KRT78: variants seen among roughly 807,000 people sequenced by gnomAD.
KRT78 encodes keratin 78, also known as keratin, type II cytoskeletal 78.
A neutral mutation model predicts 51.4 loss-of-function variants in KRT78; 55 were observed. That is an observed-to-expected ratio of 1.07 (90% CI 0.86 to 1.34). The LOEUF (loss-of-function observed/expected upper bound fraction) is 1.34. Among genes scored for constraint, KRT78 ranks in the 40% most tolerant of loss-of-function variants. The probability of loss-of-function intolerance (pLI) is 0.00; values close to 1 mark genes in which losing one functional copy is unlikely to be tolerated. For missense variants in KRT78, 652 were observed against 649.4 expected (o/e 1.00, Z -0.04); for synonymous variants, 291 against 264.3 (o/e 1.10, Z -0.98).
rs1439479863 is a variant in KRT78 at position 52,846,794 on chromosome 12, T to G, written c.630A>C (p.Thr210=). 2 of 1,613,908 alleles carry G rather than the reference T, an allele frequency of 1.2e-6. No homozygotes were observed. The highest frequency in any genetic ancestry group is 1.6e-4 in the Middle Eastern group (1 of 6,062). ...KYEEEAHRRA[T]LENDFVVLKK... Reference sequence around the variant, plus strand: ...TGAGGACCACAAAGTCGTTCTCAAGTGTGGCACGCCTGTGGGCCTCCTCCT... The same window carrying G: ...TGAGGACCACAAAGTCGTTCTCAAGGGTGGCACGCCTGTGGGCCTCCTCCT... Residue 210 remains threonine (T), a synonymous_variant, in exon 3 of 9, where the codon ACA becomes ACC. Coordinates refer to ENST00000304620, the MANE Select transcript of KRT78 (RefSeq NM_173352.4).
rs765906041 is a variant in KRT78, at chr12:52,839,804, T to C, written c.1228A>G (p.Ile410Val). ...TSTKLSLDVE[I>V]ATYRRLLEGE... is the part of the protein sequence containing the mutation. ...TCCAGCAGCCTGCGGTAAGTGGCAATCTCCACATCCAGGGAAAGCTTCGTG... is the reference window on the plus strand; with the variant it reads ...TCCAGCAGCCTGCGGTAAGTGGCAACCTCCACATCCAGGGAAAGCTTCGTG... Residue 410 changes from isoleucine to valine, a missense_variant, in exon 7 of 9, where the codon ATT (isoleucine) becomes GTT (valine). Ile to Val is a conservative substitution (Grantham distance 29, BLOSUM62 3). Coordinates refer to ENST00000304620, the MANE Select transcript of KRT78 (RefSeq NM_173352.4). 5 of 1,613,984 alleles carry C rather than the reference T, an allele frequency of 3.1e-6. 1 individual carries two copies. In the South Asian group the frequency reaches 5.5e-5, roughly 18 times the overall value.
intron 2 of KRT78, among the ~76,000 whole-genome samples, chr12:52,847,623 C>T (rs548499831): frequency 6.6e-6 from 1 of 152,358 alleles, no homozygotes; most frequent in South Asian, 2.1e-4. Context: ...CCTTCCCAGC[C>T]TTGACCGGAA....
chr12:52,848,128 C>T lies in KRT78; in HGVS notation c.385-7G>A. 6.2e-7 allele frequency: 1 copy of T among 1,613,588 alleles called. No individual in the cohort carries two copies. The highest frequency in any genetic ancestry group is 8.5e-7 in the Non-Finnish European group (1 of 1,179,732). On this transcript the variant is annotated splice_region_variant and splice_polypyrimidine_tract_variant and intron_variant, in intron 1 of 8. Transcript: ENST00000304620. ...GCTGCTCCAGGAACCGCACCTGCAG[C>T]AAAAGCAGAGGATCCCTGAGGCTCC...
chr12:52,842,960 A>G (rs1940537409), intron 6 of KRT78, among the ~76,000 whole-genome samples: 1 of 21,934 alleles, frequency 4.6e-5, no homozygotes, highest in Non-Finnish European at 7.8e-5. Context: ...AGAGAGAGAG[A>G]GGAAGGAAGG....
In KRT78 at chr12:52,839,776, C is replaced by T; in HGVS notation, c.1256G>A (p.Gly419Asp). 1.2e-6 allele frequency: 2 copies of T among 1,614,030 alleles called. No individual in the cohort carries two copies. Among genetic ancestry groups the T allele is most frequent in the Non-Finnish European group, 1.7e-6 (2 of 1,180,028 alleles). Residue 419 changes from glycine to aspartate, a missense_variant, in exon 7 of 9, where the codon GGC (glycine) becomes GAC (aspartate). Physicochemically the swap from Gly to Asp is moderately conservative, Grantham distance 94 (BLOSUM62 -1). Transcript: ENST00000304620. ...EIATYRRLLE[G>D]EECRMSGECT... The stretch of plus-strand genomic sequence containing the variant: ...AAGCCTCCCTCACCTGCACTCCTCG[C>T]CCTCCAGCAGCCTGCGGTAAGTGGC...
chr12:52,841,432 A>G (rs1940496711), intron 6 of KRT78, among the ~76,000 whole-genome samples: 2 of 151,616 alleles, frequency 1.3e-5, no homozygotes, highest in Admixed American at 6.6e-5. Context: ...GGTTGCAGTG[A>G]GCCGAGATCG....
Position 52,838,502 on chromosome 12 carries a change from C to G in KRT78, c.*611G>C, listed in dbSNP as rs1016321157. 1 of 155,154 alleles carries G rather than the reference C, an allele frequency of 6.4e-6. No individual in the cohort carries two copies. Among genetic ancestry groups the G allele is most frequent in the Non-Finnish European group, 1.4e-5 (1 of 69,948 alleles). The allele number at this position is 155,154 out of a possible 1,614,324, so 9.6% of individuals were successfully genotyped here. A position where few individuals can be genotyped will look rare whatever the true frequency, so the allele number is the denominator to read the frequency against. On this transcript the variant is annotated 3_prime_UTR_variant, in exon 9 of 9. Transcript: ENST00000304620. Reference sequence around the variant, plus strand: ...CAGGAGTGCCAGGCTAATAGAGAAGCTGAGTCCCTTACCAGAGCCAGACAG... The same window carrying G: ...CAGGAGTGCCAGGCTAATAGAGAAGGTGAGTCCCTTACCAGAGCCAGACAG...
intron 6 of KRT78, among the ~76,000 whole-genome samples, chr12:52,841,805 G>C (rs1940507113): frequency 6.6e-6 from 1 of 152,214 alleles, no homozygotes; most frequent in Non-Finnish European, 1.5e-5. Flanking sequence ...ATATCTCCAG[G>C]AGGGATTCTC....
chr12:52,842,955 GAGAGAGGAAGGAAGGA>G (rs1940536341), intron 6 of KRT78, among the ~76,000 whole-genome samples: 2 of 94,100 alleles, frequency 2.1e-5, no homozygotes, highest in Non-Finnish European at 3.5e-5. Flanking sequence ...GAGAGAGAGA[GAGAGAGGAAGGAAGGA>G]AGGAAGGAAG....
At chr12:52,843,999 T>C in intron 6 of KRT78, 94 bp downstream of exon 6, 1 of 1,511,954 alleles carries the variant, frequency 6.6e-7, no homozygotes, top group Non-Finnish European at 9.0e-7. Context: ...ACAAAACCAC[T>C]GGCAACCCAA....
At chr12:52,844,003 A>G in intron 6 of KRT78, 90 bp downstream of exon 6, 1 of 1,525,456 alleles carries the variant, frequency 6.6e-7, no homozygotes, top group Non-Finnish European at 8.9e-7. Flanking sequence ...AACCACTGGC[A>G]ACCCAACTGG....
chr12:52,846,657 G>T, intron 3 of KRT78, 107 bp downstream of exon 3: 1 of 1,008,664 alleles, frequency 9.9e-7, no homozygotes, highest in Non-Finnish European at 1.5e-6. Flanking sequence ...TAGAGTGATA[G>T]CCTGTCCTAA....
intron 4 of KRT78, chr12:52,845,916 G>A: frequency 5.2e-6 from 2 of 381,568 alleles, no homozygotes; most frequent in Middle Eastern, 7.8e-4. Flanking sequence ...TTGCACCACT[G>A]CACTCCAGCC....
At chr12:52,846,434 T>C in intron 3 of KRT78, 142 bp from the exon 4 acceptor site, 1 of 675,532 alleles carries the variant, frequency 1.5e-6, no homozygotes, top group Non-Finnish European at 2.7e-6. Context: ...CCAGCCCCAC[T>C]CTGTCCTGCT....
At position 52,848,795 on chromosome 12, in the gene KRT78, C is replaced by T. The variant is rs2253798; in HGVS notation, c.136G>A (p.Gly46Arg). The T allele has an allele frequency of 0.085, 136,727 of 1,613,038 alleles. 6,502 individuals are homozygous for T. The highest frequency in any genetic ancestry group is 0.19 in the Admixed American group (11,657 of 59,844). ...CTCCCACGAGAGCCTTCCAGGCACC[C>T]CCCAAAGGAATTAAGGCTCCTGCTG... ...FSSRSLNSFG[G>R]CLEGSRGSTW... Residue 46 changes from glycine to arginine, a missense_variant, in exon 1 of 9, where the codon GGG becomes AGG. Coordinates refer to ENST00000304620, the MANE Select transcript of KRT78 (RefSeq NM_173352.4).
rs748210788 is a variant in KRT78, at chr12:52,839,327, C to T, written c.1349G>A (p.Gly450Asp). 1 of 1,613,990 alleles carries T rather than the reference C, an allele frequency of 6.2e-7. No individual in the cohort carries two copies. The highest frequency in any genetic ancestry group is 8.5e-7 in the Non-Finnish European group (1 of 1,179,968). The change falls in exon 9 of 9, where the codon GGC (glycine) becomes GAC (aspartate). Residue 450 changes from glycine to aspartate, a missense_variant. Gly to Asp is a moderately conservative substitution (Grantham distance 94, BLOSUM62 -1). Transcript: ENST00000304620. Reference sequence around the variant, plus strand: ...ACCGAGTCCACAAGTGCTCCCCAAGCCTCCACCAACTCCTCCAGACATGAC... The same window carrying T: ...ACCGAGTCCACAAGTGCTCCCCAAGTCTCCACCAACTCCTCCAGACATGAC... ...SAVMSGGVGGGLGSTCGLGSG... is the reference protein window; with the variant it reads ...SAVMSGGVGGDLGSTCGLGSG...
chr12:52,839,063 TG>T lies in KRT78; in HGVS notation c.*49del. 1 of 1,579,882 alleles carries T rather than the reference TG, an allele frequency of 6.3e-7. No homozygotes were observed. Among genetic ancestry groups the T allele is most frequent in the Non-Finnish European group, 8.6e-7 (1 of 1,165,302 alleles). On this transcript the variant is annotated 3_prime_UTR_variant, in exon 9 of 9. Coordinates refer to ENST00000304620, the MANE Select transcript of KRT78 (RefSeq NM_173352.4). ...GAGTTGGCCTTGCAGAGCCGGCTGA[TG>T]GGGGGAGTGGGCCAAATGTGTTCAG...
intron 6 of KRT78, among the ~76,000 whole-genome samples, chr12:52,842,836 A>G (rs1299846042): frequency 6.6e-6 from 1 of 151,040 alleles, no homozygotes; most frequent in Non-Finnish European, 1.5e-5. Context: ...AATTGCTGGA[A>G]CCTGGGAGGT....
chr12:52,842,647 G>C (rs1440570800), intron 6 of KRT78, among the ~76,000 whole-genome samples: 2 of 152,092 alleles, frequency 1.3e-5, no homozygotes, highest in African/African-American at 4.8e-5. Context: ...GCTGAGCATG[G>C]TGGCTCACAC....
Sources: allele counts gnomAD v4.1 joint callset (sites outside exome capture counted in the v4.1 genomes callset), GRCh38; gene constraint gnomAD v4.1.1; transcripts MANE v1.5; gene names NCBI Gene and HGNC (gene_info 2026-07-23, HGNC 2026-07-21).